The following CDCP1 variants were observed in gnomAD, a reference collection of about 807,000 sequenced individuals.
The protein encoded by CDCP1 is CUB domain containing protein 1, also known as CUB domain-containing protein 1.
Under a neutral mutation model 60.2 loss-of-function variants are expected in CDCP1, and 29 were observed. The observed-to-expected ratio is 0.48, with a 90% CI of 0.36 to 0.66. The LOEUF (loss-of-function observed/expected upper bound fraction) is 0.66. Among genes scored for constraint, CDCP1 ranks in the 30% least tolerant of loss-of-function variants. CDCP1 has a pLI of 0.00. For synonymous variants in CDCP1, 387 were observed against 431.1 expected (o/e 0.90, Z 1.27); for missense variants, 876 against 1,074.3 (o/e 0.82, Z 2.58).
rs568435094 is a variant in CDCP1, at chr3:45,091,919, G to A, written c.1628-381C>T. 3.3e-3 allele frequency among the ~76,000 whole-genome samples: 501 copies of A among 152,146 alleles called. No homozygotes were observed. Among genetic ancestry groups the A allele is most frequent in the African/African-American group, 9.4e-3 (391 of 41,514 alleles). On this transcript the variant is annotated intron_variant, in intron 6 of 8. Coordinates refer to ENST00000296129, the MANE Select transcript of CDCP1 (RefSeq NM_022842.5). The surrounding 1 kb of genome is among the most constrained non-coding windows in gnomAD (Gnocchi z 4.8). ...AGCAATTCTCCAGCCTCAGCCTCCCGAGTAGCTAGGACTACAGGCATGAGC... is the reference window on the plus strand; with the variant it reads ...AGCAATTCTCCAGCCTCAGCCTCCCAAGTAGCTAGGACTACAGGCATGAGC...
Position 45,118,542 on chromosome 3 carries a change from T to A in CDCP1, c.162A>T (p.Lys54Asn). The change falls in exon 2 of 9, where the codon AAA becomes AAT. Residue 54 changes from lysine (K) to asparagine (N), a missense_variant. Lys to Asn is a moderately conservative substitution (Grantham distance 94, BLOSUM62 0). Coordinates refer to ENST00000296129, the MANE Select transcript of CDCP1 (RefSeq NM_022842.5). ...IKLGTPTLLAKPCYIVISKRH... is the reference protein window; with the variant it reads ...IKLGTPTLLANPCYIVISKRH... Reference sequence around the variant, plus strand: ...TTTTAGAAATGACGATGTAACAGGGTTTTGCCAGCAGAGTCGGGGTCCCCA... The same window carrying A: ...TTTTAGAAATGACGATGTAACAGGGATTTGCCAGCAGAGTCGGGGTCCCCA... The A allele has an allele frequency of 6.2e-7, 1 of 1,613,992 alleles. No individual in the cohort carries two copies. The highest frequency in any genetic ancestry group is 8.5e-7 in the Non-Finnish European group (1 of 1,179,952).
At chr3:45,097,782 C>T (rs979173774) in intron 4 of CDCP1, among the ~76,000 whole-genome samples, 1 of 152,172 alleles carries the variant, frequency 6.6e-6, no homozygotes, top group African/African-American at 2.4e-5. Context: ...TTATGGCTGT[C>T]ATATCTGTTA....
intron 8 of CDCP1, 93 bp downstream of exon 8, chr3:45,088,961 C>A: frequency 9.8e-7 from 1 of 1,023,602 alleles, no homozygotes; most frequent in South Asian, 1.4e-5. Context: ...AAATGGGAAG[C>A]AAGAAAACAA....
intron 4 of CDCP1, among the ~76,000 whole-genome samples, chr3:45,101,367 T>C (rs1288727328): frequency 6.6e-6 from 1 of 152,226 alleles, no homozygotes; most frequent in Non-Finnish European, 1.5e-5. Flanking sequence ...ATCTTCCTGA[T>C]TACAAAGCCT....
intron 4 of CDCP1, among the ~76,000 whole-genome samples, chr3:45,108,576 C>T (rs7645593): frequency 0.2 from 29,793 of 150,666 alleles, 3,717 homozygotes; most frequent in Middle Eastern, 0.3. Context: ...AAACCCCAAG[C>T]CCACTCCATT....
At chr3:45,128,775 T>C (rs931943281) in intron 1 of CDCP1, among the ~76,000 whole-genome samples, 6 of 152,224 alleles carry the variant, frequency 3.9e-5, no homozygotes, top group African/African-American at 1.4e-4. Flanking sequence ...TGGAGTGCAA[T>C]GGCACAATCT....
In CDCP1 at chr3:45,091,112, C is replaced by G; in HGVS notation, c.1993+61G>C. On this transcript the variant is annotated intron_variant, in intron 7 of 8. Transcript: ENST00000296129. This position sits in a 1 kb window ranked among gnomAD's most constrained non-coding sequence, Gnocchi z 4.8. ...TCTGACTTGTCTCCAGGCTTGCTCT[C>G]TATCCTCCAGCTGACAATTTTTTGT... 6.5e-7 allele frequency: 1 copy of G among 1,550,166 alleles called. No individual in the cohort carries two copies. The highest frequency in any genetic ancestry group is 8.7e-7 in the Non-Finnish European group (1 of 1,147,954).
upstream of CDCP1, chr3:45,146,472 C>A (rs750706202): frequency 1.8e-5 from 9 of 494,912 alleles, no homozygotes; most frequent in Non-Finnish European, 3.2e-5. Context: ...TCTCTCTCCT[C>A]CTCCTCTTCC....
intron 4 of CDCP1, among the ~76,000 whole-genome samples, chr3:45,103,862 C>T (rs909541172): frequency 6.6e-6 from 1 of 152,180 alleles, no homozygotes; most frequent in Non-Finnish European, 1.5e-5. Context: ...GAATCGTGAG[C>T]CAAATAAATC....
chr3:45,107,596 G>T lies in CDCP1; in HGVS notation c.1024+2877C>A, dbSNP rs185116077. ...GAGCGCTCACTACCTGCCAGGCACT[G>T]TGCTACCTCACACTGTCCTCACAAC... On this transcript the variant is annotated intron_variant, in intron 4 of 8. Coordinates refer to ENST00000296129, the MANE Select transcript of CDCP1 (RefSeq NM_022842.5). Among the ~76,000 whole-genome samples, 13 of 152,276 alleles carry T rather than the reference G, an allele frequency of 8.5e-5. No homozygotes were observed. In the East Asian group the frequency reaches 2.5e-3, roughly 29 times the overall value.
intron 1 of CDCP1, among the ~76,000 whole-genome samples, chr3:45,144,916 G>T (rs1699353520): frequency 6.6e-6 from 1 of 152,100 alleles, no homozygotes. Flanking sequence ...AGGCCCAGGT[G>T]GGAGGATCAC....
intron 4 of CDCP1, among the ~76,000 whole-genome samples, chr3:45,096,210 A>C (rs922287466): frequency 2.0e-5 from 3 of 152,224 alleles, no homozygotes; most frequent in Admixed American, 1.3e-4. Context: ...ACAGTGTGAC[A>C]TGGCCATGAG....
chr3:45,112,001 G>A, intron 3 of CDCP1, 82 bp downstream of exon 3: 1 of 1,504,798 alleles, frequency 6.6e-7, no homozygotes, highest in Non-Finnish European at 8.9e-7. Flanking sequence ...GAGATTTGCT[G>A]ACATTTGACC....
Position 45,084,415 on chromosome 3 carries a change from G to A in CDCP1, c.*1223C>T, listed in dbSNP as rs1393991177. On this transcript the variant is annotated 3_prime_UTR_variant, in exon 9 of 9. Coordinates refer to ENST00000296129, the MANE Select transcript of CDCP1 (RefSeq NM_022842.5). ...TCTTGCATGGCAAAAGGCTCTTCCA[G>A]GATGATGAAGGAACTTTAGATGGAG... 6.6e-6 allele frequency: 1 copy of A among 152,170 alleles called. No homozygotes were observed. The highest frequency in any genetic ancestry group is 1.5e-5 in the Non-Finnish European group (1 of 68,036). 9.4% of individuals were successfully genotyped at this position (152,170 alleles called of 1,614,324 possible).
At chr3:45,129,683 C>T (rs758264126) in intron 1 of CDCP1, among the ~76,000 whole-genome samples, 2 of 152,118 alleles carry the variant, frequency 1.3e-5, no homozygotes, top group Non-Finnish European at 2.9e-5. Flanking sequence ...CACGCAAAGG[C>T]CCACAGCTCC....
intron 4 of CDCP1, among the ~76,000 whole-genome samples, chr3:45,098,275 T>A (rs1364082074): frequency 6.6e-6 from 1 of 152,136 alleles, no homozygotes; most frequent in Non-Finnish European, 1.5e-5. Flanking sequence ...CATAGCTCAC[T>A]GCAGCCTCAA....
At chr3:45,106,868 G>A (rs746834757) in intron 4 of CDCP1, among the ~76,000 whole-genome samples, 9 of 152,178 alleles carry the variant, frequency 5.9e-5, no homozygotes, top group Non-Finnish European at 1.2e-4. Context: ...CAAGGGCAGA[G>A]GCTCTGACCC....
chr3:45,085,486 A>T lies in CDCP1; in HGVS notation c.*152T>A. ...AATGTCTTGCCCTTAGAATGAGTCCACTGAGCAATGTGAAGTTGGCGGTGT... is the reference window on the plus strand; with the variant it reads ...AATGTCTTGCCCTTAGAATGAGTCCTCTGAGCAATGTGAAGTTGGCGGTGT... On this transcript the variant is annotated 3_prime_UTR_variant, in exon 9 of 9. Transcript: ENST00000296129. The surrounding 1 kb of genome is among the most constrained non-coding windows in gnomAD (Gnocchi z 4.2). The T allele has an allele frequency of 1.4e-6, 1 of 734,728 alleles. No individual in the cohort carries two copies. The highest frequency in any genetic ancestry group is 2.3e-6 in the Non-Finnish European group (1 of 434,166). 45.5% of individuals were successfully genotyped at this position (734,728 alleles called of 1,614,324 possible).
chr3:45,092,478 T>G (rs967272038), intron 6 of CDCP1, among the ~76,000 whole-genome samples: 1 of 152,196 alleles, frequency 6.6e-6, no homozygotes, highest in Non-Finnish European at 1.5e-5. Context: ...CTGATGAGAA[T>G]GTGTCTTATT....
Sources: gnomAD v4.1 joint callset for allele counts (sites outside exome capture counted in the v4.1 genomes callset) on GRCh38, gnomAD v4.1.1 for gene constraint, Gnocchi (gnomAD v3.1) non-coding constraint, MANE v1.5 for transcripts, NCBI Gene and HGNC (gene_info 2026-07-23, HGNC 2026-07-21) for gene names.